Variants in SLC25A43 observed in about 807,000 individuals in gnomAD.
SLC25A43 encodes solute carrier family 25 member 43, also known as solute carrier family 25, member 43.
A neutral mutation model predicts 22.8 loss-of-function variants in SLC25A43; 10 were observed. The ratio of observed to expected loss-of-function variants is 0.44; its 90% CI spans 0.27 to 0.74. The LOEUF (loss-of-function observed/expected upper bound fraction) is 0.74. Ranked by LOEUF, SLC25A43 falls within the 30% of genes least tolerant of loss-of-function variation. The pLI, the probability that SLC25A43 is intolerant of heterozygous loss-of-function variation, is 0.17. For missense variants in SLC25A43, 233 were observed against 279.1 expected, an observed-to-expected ratio of 0.83 and a Z score of 1.18; for synonymous variants, 106 against 121.6, an observed-to-expected ratio of 0.87 and a Z score of 0.84.
chrX:119,399,415 G>C lies in SLC25A43; in HGVS notation c.12G>C (p.Trp4Cys), dbSNP rs1164833204. The C allele has an allele frequency of 9.8e-7, 1 of 1,020,415 alleles. No individual in the cohort carries two copies. The highest frequency in any genetic ancestry group is 4.6e-5 in the Admixed American group (1 of 21,864). 84.1% of individuals were successfully genotyped at this position (1,020,415 alleles called of 1,213,427 possible). A position where few individuals can be genotyped will look rare whatever the true frequency, so the allele number is the denominator to read the frequency against. MAT[W>C]RRDGRLTGGQ... ...CGGGTCGGGGCTCGATGGCTACGTGGAGGCGGGACGGCCGACTGACAGGCG... is the reference window on the plus strand; with the variant it reads ...CGGGTCGGGGCTCGATGGCTACGTGCAGGCGGGACGGCCGACTGACAGGCG... Residue 4 changes from tryptophan (W) to cysteine (C), a missense_variant, in exon 1 of 5, where the codon TGG (tryptophan) becomes TGC (cysteine). Physicochemically the swap from Trp to Cys is radical, Grantham distance 215. Transcript: ENST00000217909.
chrX:119,445,655 A>G (rs1189343155), intron 3 of SLC25A43, among the ~76,000 whole-genome samples: 3 of 111,775 alleles, frequency 2.7e-5, no homozygotes, highest in African/African-American at 6.5e-5. Context: ...TGCCTCTGCT[A>G]TGCACCAGCT....
At chrX:119,443,351 C>T (rs1331118367) in intron 3 of SLC25A43, among the ~76,000 whole-genome samples, 1 of 110,994 alleles carries the variant, frequency 9.0e-6, no homozygotes, top group Non-Finnish European at 1.9e-5. Flanking sequence ...AACTCCTGAC[C>T]TCAGGTGATC....
Position 119,429,348 on chromosome X carries a change from CT to C in SLC25A43, c.690+18987del, listed in dbSNP as rs375073245. On this transcript the variant is annotated intron_variant, in intron 3 of 4. Coordinates refer to ENST00000217909, the MANE Select transcript of SLC25A43 (RefSeq NM_145305.3). Reference sequence around the variant, plus strand: ...TACAGGCGTGAGCTGCCGTGCCCAGCTGTGTTTTACATCTTTATAAATATTG... The same window carrying C: ...TACAGGCGTGAGCTGCCGTGCCCAGCGTGTTTTACATCTTTATAAATATTG... Among the ~76,000 whole-genome samples the C allele has an allele frequency of 2.8e-3, 308 of 111,973 alleles. 1 individual carries two copies. Among genetic ancestry groups the C allele is most frequent in the African/African-American group, 9.6e-3 (296 of 30,819 alleles).
chrX:119,450,146 T>C (rs771530040), intron 3 of SLC25A43, among the ~76,000 whole-genome samples: 4 of 110,810 alleles, frequency 3.6e-5, no homozygotes, highest in East Asian at 2.8e-4. Flanking sequence ...AGATAAAGAT[T>C]TGGGAGCCAT....
intron 3 of SLC25A43, among the ~76,000 whole-genome samples, chrX:119,432,386 G>C (rs1162943103): frequency 1.8e-5 from 2 of 111,963 alleles, no homozygotes; most frequent in Non-Finnish European, 3.8e-5. Flanking sequence ...AGAGATGAAA[G>C]AAGATTGGCC....
At chrX:119,413,881 T>A (rs1362113734) in intron 3 of SLC25A43, among the ~76,000 whole-genome samples, 2 of 111,601 alleles carry the variant, frequency 1.8e-5, no homozygotes, top group African/African-American at 6.5e-5. Flanking sequence ...TGAGTTATAC[T>A]AACATTGTAA....
chrX:119,400,707 C>G (rs763068832), intron 1 of SLC25A43, among the ~76,000 whole-genome samples: 5 of 112,444 alleles, frequency 4.4e-5, no homozygotes, highest in African/African-American at 1.6e-4. Flanking sequence ...ACAAGCCGAA[C>G]GGAATCATCC....
At chrX:119,423,907 G>GAAAA (rs1556072661) in intron 3 of SLC25A43, 1 of 94,948 alleles carries the variant, frequency 1.1e-5, no homozygotes, top group Non-Finnish European at 2.1e-5. Flanking sequence ...TTTCCCTTGA[G>GAAAA]AAAAAAAAAA....
intron 2 of SLC25A43, among the ~76,000 whole-genome samples, chrX:119,409,409 G>A (rs916554099): frequency 1.7e-4 from 18 of 108,017 alleles, no homozygotes; most frequent in African/African-American, 5.7e-4. Context: ...TAGTAGAGAC[G>A]AGGTCAGGCT....
At chrX:119,419,506 A>G (rs1264956122) in intron 3 of SLC25A43, among the ~76,000 whole-genome samples, 1 of 111,517 alleles carries the variant, frequency 9.0e-6, no homozygotes, top group African/African-American at 3.3e-5. Context: ...ACCTCGGGTT[A>G]CCTTTGTTGA....
intron 3 of SLC25A43, among the ~76,000 whole-genome samples, chrX:119,425,512 TG>T (rs1198288509): frequency 9.2e-6 from 1 of 108,548 alleles, no homozygotes; most frequent in African/African-American, 3.4e-5. Context: ...TGGAGAGGAG[TG>T]GAGCCTTACC....
At chrX:119,414,560 G>T in intron 3 of SLC25A43, among the ~76,000 whole-genome samples, 1 of 110,485 alleles carries the variant, frequency 9.1e-6, no homozygotes, top group African/African-American at 3.3e-5. Flanking sequence ...CACGGTTTCA[G>T]CATGTTGGCC....
In SLC25A43 at chrX:119,443,285, A is replaced by C. The variant is rs188393936; in HGVS notation, c.691-8724A>C. ...CAGGCATCTGCCACCATGCCCGGCT[A>C]ATTTTTGTATTTTTAGCAGAGACAG... is the stretch of plus-strand genomic sequence containing the variant. On this transcript the variant is annotated intron_variant, in intron 3 of 4. Transcript: ENST00000217909. Among the ~76,000 whole-genome samples, 635 of 107,210 alleles carry C rather than the reference A, an allele frequency of 5.9e-3. 5 individuals carry two copies. The highest frequency in any genetic ancestry group is 0.02 in the African/African-American group (586 of 29,357). 93.1% of individuals were successfully genotyped at this position (107,210 alleles called of 115,157 possible). A position where few individuals can be genotyped will look rare whatever the true frequency, so the allele number is the denominator to read the frequency against.
chrX:119,429,027 A>C (rs1416390395), intron 3 of SLC25A43, among the ~76,000 whole-genome samples: 1 of 108,594 alleles, frequency 9.2e-6, no homozygotes, highest in African/African-American at 3.4e-5. Flanking sequence ...AATTCCTAGA[A>C]TTTTTGCTTT....
rs1403435357 is a variant in SLC25A43 at position 119,410,308 on chromosome X, T to C, written c.636T>C (p.Ala212=). 3 of 1,211,284 alleles carry C rather than the reference T, an allele frequency of 2.5e-6. No homozygotes were observed. The highest frequency in any genetic ancestry group is 3.4e-6 in the Non-Finnish European group (3 of 895,287). ...ACTTTGCTAATGTCTGTCTGGCTGC[T>C]GCAGTGACCCAGACCCTCTCCTTTC... ...PQNFANVCLA[A]AVTQTLSFPF... The change falls in exon 3 of 5, where the codon GCT becomes GCC. Residue 212 remains alanine (A), a synonymous_variant. Transcript: ENST00000217909.
chrX:119,446,969 T>C (rs901627802), intron 3 of SLC25A43, among the ~76,000 whole-genome samples: 1 of 112,112 alleles, frequency 8.9e-6, no homozygotes, highest in African/African-American at 3.2e-5. Flanking sequence ...TCTCTTTTTT[T>C]TTGAGACAGA....
intron 3 of SLC25A43, among the ~76,000 whole-genome samples, chrX:119,431,470 G>T (rs1569373224): frequency 9.5e-6 from 1 of 105,466 alleles, no homozygotes; most frequent in Non-Finnish European, 1.9e-5. Flanking sequence ...CCAAGATCGT[G>T]CCACTGCACT....
rs756526166 is a variant in SLC25A43, at chrX:119,410,284, C to T, written c.612C>T (p.Asn204=). 9 of 1,208,640 alleles carry T rather than the reference C, an allele frequency of 7.4e-6. No individual in the cohort carries two copies. The Admixed American group carries it at 1.8e-4, about 24-fold the overall frequency. ...GPRDQFSLPQ[N]FANVCLAAAV... ...GAGATCAGTTCTCTCTCCCACAGAA[C>T]TTTGCTAATGTCTGTCTGGCTGCTG... is the stretch of plus-strand genomic sequence containing the variant. The change falls in exon 3 of 5, where the codon AAC becomes AAT. Residue 204 remains asparagine (N), a synonymous_variant. Transcript: ENST00000217909.
intron 3 of SLC25A43, among the ~76,000 whole-genome samples, chrX:119,417,961 A>T (rs1242211195): frequency 1.8e-5 from 2 of 110,938 alleles, no homozygotes; most frequent in African/African-American, 6.6e-5. Flanking sequence ...GTTAAAAAAA[A>T]AATTCACCCC....
Sources: gnomAD v4.1 joint callset for allele counts (sites outside exome capture counted in the v4.1 genomes callset) on GRCh38, gnomAD v4.1.1 for gene constraint, MANE v1.5 for transcripts, NCBI Gene and HGNC (gene_info 2026-07-23, HGNC 2026-07-21) for gene names.